Variants in SLC33A1 observed in about 807,000 individuals in gnomAD.
SLC33A1 encodes solute carrier family 33 member 1, also known as acetyl-coenzyme A transporter 1.
Under a neutral mutation model 50.0 loss-of-function variants are expected in SLC33A1, and 20 were observed. The ratio of observed to expected loss-of-function variants is 0.40; its 90% CI spans 0.28 to 0.58. The LOEUF is 0.58. SLC33A1 is among the 20% of genes least tolerant of loss of function. SLC33A1 has a pLI of 0.44. For missense variants in SLC33A1, 476 were observed against 657.0 expected (o/e 0.72, Z 3.01); for synonymous variants, 265 against 251.8 (o/e 1.05, Z -0.50).
intron 5 of SLC33A1, among the ~76,000 whole-genome samples, chr3:155,828,631 C>A (rs1384734410): frequency 5.9e-5 from 9 of 152,026 alleles, no homozygotes; most frequent in Non-Finnish European, 5.9e-5. Context: ...CACTTGTGGC[C>A]CCGGCTGAAA....
At chr3:155,852,297 C>T (rs1668536197) in intron 1 of SLC33A1, among the ~76,000 whole-genome samples, 1 of 151,742 alleles carries the variant, frequency 6.6e-6, no homozygotes, top group Non-Finnish European at 1.5e-5. Context: ...CCCCCCGACC[C>T]CCAACTATCT....
intron 4 of SLC33A1, among the ~76,000 whole-genome samples, chr3:155,831,375 G>A (rs1752423444): frequency 7.2e-6 from 1 of 138,994 alleles, no homozygotes; most frequent in Non-Finnish European, 1.5e-5. Flanking sequence ...AGAATCACTT[G>A]AACCCGGGAG....
rs1752622163 is a variant in SLC33A1, at chr3:155,835,605, A to C, written c.964-1564T>G. Among the ~76,000 whole-genome samples, 3 of 152,158 alleles carry C rather than the reference A, an allele frequency of 2.0e-5. No individual in the cohort carries two copies. The South Asian group carries it at 6.2e-4, about 32-fold the overall frequency. On this transcript the variant is annotated intron_variant, in intron 2 of 5. Coordinates refer to ENST00000643144, the MANE Select transcript of SLC33A1 (RefSeq NM_004733.4). The stretch of plus-strand genomic sequence containing the variant: ...CTTTTTTGTTAGCATGTGTACAGTA[A>C]AAAAATGGGCAACATGGTGCAGCTC...
rs1051867120 is a variant in SLC33A1 at position 155,821,705 on chromosome 3, A to C, written c.*6505T>G. On this transcript the variant is annotated 3_prime_UTR_variant, in exon 6 of 6. Transcript: ENST00000643144. ...GGTCTTCAACTCCTGACCTCAAGTG[A>C]TCTGCCTGCCTTGGCCTCCCAAAGT... 6.6e-6 allele frequency: 1 copy of C among 151,064 alleles called. No homozygotes were observed. The highest frequency in any genetic ancestry group is 1.9e-4 in the East Asian group (1 of 5,144). The allele number at this position is 151,064 out of a possible 1,614,324, so 9.4% of individuals were successfully genotyped here.
chr3:155,827,502 G>A lies in SLC33A1; in HGVS notation c.*708C>T, dbSNP rs1049134416. On this transcript the variant is annotated 3_prime_UTR_variant, in exon 6 of 6. Transcript: ENST00000643144. Reference sequence around the variant, plus strand: ...GAATCAAAATATCTTCCAAAAAGAGGGGGTAGGGGCAAGAGGAATCAATAA... The same window carrying A: ...GAATCAAAATATCTTCCAAAAAGAGAGGGTAGGGGCAAGAGGAATCAATAA... 2.6e-5 allele frequency: 4 copies of A among 152,058 alleles called. No homozygotes were observed. The highest frequency in any genetic ancestry group is 1.5e-5 in the Non-Finnish European group (1 of 68,016). 9.4% of individuals were successfully genotyped at this position (152,058 alleles called of 1,614,324 possible).
intron 2 of SLC33A1, among the ~76,000 whole-genome samples, chr3:155,836,270 G>C (rs1310098609): frequency 4.9e-5 from 4 of 82,062 alleles, no homozygotes; most frequent in African/African-American, 2.2e-4. Context: ...GTGACAGAGT[G>C]AGACTCTGTC....
rs769973927 is a variant in SLC33A1 at position 155,829,774 on chromosome 3, C to T, written c.1396G>A (p.Val466Ile). 1.9e-6 allele frequency: 3 copies of T among 1,613,908 alleles called. No individual in the cohort carries two copies. The highest frequency in any genetic ancestry group is 1.7e-6 in the Non-Finnish European group (2 of 1,179,922). ...AGGGGATCTACAAGCCAAAGAGCTACTGTAGAAGGCCAGTTTCCTCCCAGA... is the reference window on the plus strand; with the variant it reads ...AGGGGATCTACAAGCCAAAGAGCTATTGTAGAAGGCCAGTTTCCTCCCAGA... ...SNLGGNWPST[V>I]ALWLVDPLTV... is the part of the protein sequence containing the mutation. The change falls in exon 5 of 6, where the codon GTA becomes ATA. Residue 466 changes from valine (V) to isoleucine (I), a missense_variant. Physicochemically the swap from Val to Ile is conservative, Grantham distance 29. Transcript: ENST00000643144.
chr3:155,835,481 A>G (rs911273226), intron 2 of SLC33A1, among the ~76,000 whole-genome samples: 2 of 152,178 alleles, frequency 1.3e-5, no homozygotes, highest in Non-Finnish European at 1.5e-5. Context: ...AACATAGATA[A>G]GCAAGCTGGA....
Position 155,825,987 on chromosome 3 carries a change from A to G in SLC33A1, c.*2223T>C, listed in dbSNP as rs1176839798. 1 of 152,254 alleles carries G rather than the reference A, an allele frequency of 6.6e-6. No individual in the cohort carries two copies. Among genetic ancestry groups the G allele is most frequent in the African/African-American group, 2.4e-5 (1 of 41,470 alleles). The allele number at this position is 152,254 out of a possible 1,614,324, so 9.4% of individuals were successfully genotyped here. A position where few individuals can be genotyped will look rare whatever the true frequency, so the allele number is the denominator to read the frequency against. On this transcript the variant is annotated 3_prime_UTR_variant, in exon 6 of 6. Coordinates refer to ENST00000643144, the MANE Select transcript of SLC33A1 (RefSeq NM_004733.4). The stretch of plus-strand genomic sequence containing the variant: ...TTACATACATGTATTCAAATTAACT[A>G]TAATTTTTTGTGCTTATTTCTAGAG...
chr3:155,848,945 C>T (rs1209278562), intron 1 of SLC33A1, among the ~76,000 whole-genome samples: 2 of 152,108 alleles, frequency 1.3e-5, no homozygotes. Flanking sequence ...TGCAGTCTTG[C>T]TCTGTCACCC....
At position 155,833,778 on chromosome 3, in the gene SLC33A1, ACG is replaced by A. The variant is rs570764397; in HGVS notation, c.1148+77_1148+78del. ...AATCTTTTTCCATATATATAATTCT[ACG>A]CTCAGATATTAGTGGTATTGATGAA... On this transcript the variant is annotated intron_variant, in intron 3 of 5. Transcript: ENST00000643144. 1,250 of 1,143,410 alleles carry A rather than the reference ACG, an allele frequency of 1.1e-3. 1 individual carries two copies. Among genetic ancestry groups the A allele is most frequent in the Non-Finnish European group, 1.4e-3 (1,059 of 755,534 alleles). 70.8% of individuals were successfully genotyped at this position (1,143,410 alleles called of 1,614,324 possible).
intron 1 of SLC33A1, among the ~76,000 whole-genome samples, chr3:155,847,705 G>A (rs1267166987): frequency 6.6e-6 from 1 of 151,658 alleles, no homozygotes; most frequent in Admixed American, 6.6e-5. Context: ...CCGAGATCAC[G>A]CCACTGCACT....
At chr3:155,832,493 C>T (rs370365115) in intron 4 of SLC33A1, among the ~76,000 whole-genome samples, 140 of 151,984 alleles carry the variant, frequency 9.2e-4, no homozygotes, top group African/African-American at 3.3e-3. Flanking sequence ...CTTGACACAG[C>T]TTTCAAAATC....
At position 155,833,591 on chromosome 3, in the gene SLC33A1, G is replaced by A. The variant is rs762848053; in HGVS notation, c.1149-6C>T. ...ATTCTAACCCAAGCAATAATCTATA[G>A]AGAAAGAAACATTGAGTTGACTTCC... On this transcript the variant is annotated splice_polypyrimidine_tract_variant and splice_region_variant and intron_variant, in intron 3 of 5. Coordinates refer to ENST00000643144, the MANE Select transcript of SLC33A1 (RefSeq NM_004733.4). 6.7e-7 allele frequency: 1 copy of A among 1,495,428 alleles called. No homozygotes were observed. Among genetic ancestry groups the A allele is most frequent in the Non-Finnish European group, 9.3e-7 (1 of 1,072,130 alleles). 92.6% of individuals were successfully genotyped at this position (1,495,428 alleles called of 1,614,324 possible).
At position 155,829,784 on chromosome 3, in the gene SLC33A1, C is replaced by G. The variant is rs371438645; in HGVS notation, c.1386G>C (p.Trp462Cys). Residue 462 changes from tryptophan (W) to cysteine (C), a missense_variant, in exon 5 of 6, where the codon TGG becomes TGC. Coordinates refer to ENST00000643144, the MANE Select transcript of SLC33A1 (RefSeq NM_004733.4). ...LNTVSNLGGN[W>C]PSTVALWLVD... is the part of the protein sequence containing the mutation. Reference sequence around the variant, plus strand: ...CAAGCCAAAGAGCTACTGTAGAAGGCCAGTTTCCTCCCAGATTGGACACGG... The same window carrying G: ...CAAGCCAAAGAGCTACTGTAGAAGGGCAGTTTCCTCCCAGATTGGACACGG... 5 of 1,613,916 alleles carry G rather than the reference C, an allele frequency of 3.1e-6. No individual in the cohort carries two copies. The South Asian group carries it at 3.3e-5, about 11-fold the overall frequency.
intron 2 of SLC33A1, among the ~76,000 whole-genome samples, chr3:155,841,042 T>C (rs9812996): frequency 0.026 from 3,919 of 151,522 alleles, 173 homozygotes; most frequent in African/African-American, 0.089. Context: ...TTCTGAACTT[T>C]CCATTCTTTT....
At chr3:155,829,552 T>C in intron 5 of SLC33A1, 136 bp downstream of exon 5, 1 of 684,326 alleles carries the variant, frequency 1.5e-6, no homozygotes, top group East Asian at 2.7e-5. Context: ...TGAAAGAAAA[T>C]ATATATGTAG....
At chr3:155,839,354 AC>A in intron 2 of SLC33A1, among the ~76,000 whole-genome samples, 1 of 140,672 alleles carries the variant, frequency 7.1e-6, no homozygotes, top group Non-Finnish European at 1.5e-5. Flanking sequence ...AGCCTGGGCA[AC>A]AAAGCGAGAC....
chr3:155,853,208 G>C lies in SLC33A1; in HGVS notation c.775+15C>G. On this transcript the variant is annotated intron_variant, in intron 1 of 5. Transcript: ENST00000643144. Reference sequence around the variant, plus strand: ...GATAAATAAACCTAACACCATAATAGCTTAAATACACTACCTGAAAGAGTA... The same window carrying C: ...GATAAATAAACCTAACACCATAATACCTTAAATACACTACCTGAAAGAGTA... The C allele has an allele frequency of 1.2e-6, 2 of 1,604,362 alleles. No individual in the cohort carries two copies. Among genetic ancestry groups the C allele is most frequent in the Non-Finnish European group, 1.7e-6 (2 of 1,171,298 alleles).
Sources: gnomAD v4.1 joint callset for allele counts (sites outside exome capture counted in the v4.1 genomes callset) on GRCh38, gnomAD v4.1.1 for gene constraint, MANE v1.5 for transcripts, NCBI Gene and HGNC (gene_info 2026-07-23, HGNC 2026-07-21) for gene names.